SLIT3: variants seen among roughly 807,000 people sequenced by gnomAD.
SLIT3 encodes slit guidance ligand 3, also known as slit homolog 3 protein.
A neutral mutation model predicts 184.0 loss-of-function variants in SLIT3; 68 were observed. That is an observed-to-expected ratio of 0.37 (90% CI 0.30 to 0.45). The LOEUF (loss-of-function observed/expected upper bound fraction) is 0.45. SLIT3 is among the 20% of genes least tolerant of loss of function. The pLI is 1.00. For missense variants in SLIT3, 1,707 were observed against 2,026.0 expected (o/e 0.84, Z 3.02); for synonymous variants, 831 against 828.6 (o/e 1.00, Z -0.05).
At chr5:168,667,123 A>G (rs1228419634) in intron 35 of SLIT3, among the ~76,000 whole-genome samples, 1 of 152,160 alleles carries the variant, frequency 6.6e-6, no homozygotes, top group African/African-American at 2.4e-5. Context: ...TTCCTTGAAA[A>G]CAAGGAGGTC....
At position 168,772,646 on chromosome 5, in the gene SLIT3, T is replaced by C; in HGVS notation, c.1459+135A>G. The C allele has an allele frequency of 4.6e-6, 4 of 873,498 alleles. No individual in the cohort carries two copies. In the Admixed American group the frequency reaches 9.7e-5, roughly 21 times the overall value. 54.1% of individuals were successfully genotyped at this position (873,498 alleles called of 1,614,324 possible). A position where few individuals can be genotyped will look rare whatever the true frequency, so the allele number is the denominator to read the frequency against. On this transcript the variant is annotated intron_variant, in intron 14 of 35. Coordinates refer to ENST00000519560, the MANE Select transcript of SLIT3 (RefSeq NM_003062.4). ...GGTTTTCTGCAGGGCTAACTGAATT[T>C]CCCCAATTTAATTTGCAAAGATGCT... is the stretch of plus-strand genomic sequence containing the variant.
At position 168,748,397 on chromosome 5, in the gene SLIT3, G is replaced by A; in HGVS notation, c.2175C>T (p.Cys725=). 1 of 1,522,200 alleles carries A rather than the reference G, an allele frequency of 6.6e-7. No individual in the cohort carries two copies. Among genetic ancestry groups the A allele is most frequent in the Non-Finnish European group, 8.7e-7 (1 of 1,146,654 alleles). The allele number at this position is 1,522,200 out of a possible 1,614,324, so 94.3% of individuals were successfully genotyped here. ...TCTCCATACAGGTGCACTGCTCCGG[G>A]CAGCGCGGGCTCAGCTGGCAGCTAC... ...EESSCQLSPR[C]PEQCTCMETV... Residue 725 remains cysteine (C), a synonymous_variant, in exon 20 of 36, where the codon TGC becomes TGT. Transcript: ENST00000519560.
At chr5:168,897,646 GTA>G (rs1491515068) in intron 4 of SLIT3, among the ~76,000 whole-genome samples, 93 of 105,390 alleles carry the variant, frequency 8.8e-4, no homozygotes, top group African/African-American at 1.2e-3. Context: ...ACAGGTGCAC[GTA>G]CACACACACA....
intron 1 of SLIT3, among the ~76,000 whole-genome samples, chr5:169,271,064 C>T (rs774376286): frequency 6.6e-6 from 1 of 152,144 alleles, no homozygotes; most frequent in Non-Finnish European, 1.5e-5. Flanking sequence ...GTGAAAATGG[C>T]ACACCTGGAG....
At chr5:168,914,797 C>A (rs901127715) in intron 4 of SLIT3, among the ~76,000 whole-genome samples, 23 of 152,134 alleles carry the variant, frequency 1.5e-4, no homozygotes, top group Admixed American at 5.2e-4. Flanking sequence ...ACAACCTAAT[C>A]CTGTGTCTGG....
At chr5:168,983,630 T>C (rs1386256662) in intron 4 of SLIT3, among the ~76,000 whole-genome samples, 1 of 152,144 alleles carries the variant, frequency 6.6e-6, no homozygotes, top group Non-Finnish European at 1.5e-5. Flanking sequence ...ATGTGCAAAA[T>C]GGGGGAGCCT....
chr5:169,148,908 C>T (rs1762023801), intron 4 of SLIT3, among the ~76,000 whole-genome samples: 1 of 152,066 alleles, frequency 6.6e-6, no homozygotes, highest in African/African-American at 2.4e-5. Context: ...ACAATACCTG[C>T]CATTTATTGG....
intron 4 of SLIT3, among the ~76,000 whole-genome samples, chr5:169,039,294 G>A (rs1757365554): frequency 6.7e-6 from 1 of 150,336 alleles, no homozygotes; most frequent in Admixed American, 6.6e-5. Flanking sequence ...ACAGTGCTCC[G>A]TAAGAGTTAA....
chr5:169,194,061 C>A (rs577131318), intron 3 of SLIT3, among the ~76,000 whole-genome samples: 6 of 151,694 alleles, frequency 4.0e-5, no homozygotes, highest in Admixed American at 2.0e-4. Flanking sequence ...GGTGAAACCC[C>A]GTTTCTAATA....
At chr5:169,270,399 G>A (rs1435835980) in intron 1 of SLIT3, among the ~76,000 whole-genome samples, 1 of 151,952 alleles carries the variant, frequency 6.6e-6, no homozygotes, top group East Asian at 1.9e-4. Context: ...AGCCAAGAAT[G>A]GTTTTTATAT....
At chr5:169,268,112 T>C (rs1030243090) in intron 1 of SLIT3, among the ~76,000 whole-genome samples, 2 of 152,218 alleles carry the variant, frequency 1.3e-5, no homozygotes, top group Non-Finnish European at 2.9e-5. Flanking sequence ...TTCTTCCCCA[T>C]AAACATGTCC....
chr5:168,898,561 T>C (rs1413245685), intron 4 of SLIT3, among the ~76,000 whole-genome samples: 2 of 152,216 alleles, frequency 1.3e-5, no homozygotes, highest in Non-Finnish European at 2.9e-5. Context: ...ATATGTTTTA[T>C]AGTTATAATA....
chr5:169,132,182 A>G (rs1761325010), intron 4 of SLIT3, among the ~76,000 whole-genome samples: 1 of 152,164 alleles, frequency 6.6e-6, no homozygotes. Flanking sequence ...GTAAAGAAAA[A>G]GGAAGGGGGA....
At chr5:168,961,199 G>A (rs957726579) in intron 4 of SLIT3, among the ~76,000 whole-genome samples, 1 of 152,174 alleles carries the variant, frequency 6.6e-6, no homozygotes, top group Admixed American at 6.5e-5. Context: ...TGGTAGAGAG[G>A]AAACCCCTAG....
intron 31 of SLIT3, among the ~76,000 whole-genome samples, chr5:168,685,092 G>C (rs1046744617): frequency 6.6e-6 from 1 of 152,138 alleles, no homozygotes; most frequent in African/African-American, 2.4e-5. Flanking sequence ...TGGGATTACA[G>C]GCATGCACCA....
chr5:168,761,921 AT>A (rs10654069), intron 15 of SLIT3, among the ~76,000 whole-genome samples: 14,120 of 110,432 alleles, frequency 0.13, 866 homozygotes, highest in South Asian at 0.18. Context: ...AAAAAAAAAA[AT>A]TTTTTTTTTT....
chr5:168,779,338 C>T (rs568056252), intron 12 of SLIT3, among the ~76,000 whole-genome samples: 4 of 152,290 alleles, frequency 2.6e-5, no homozygotes, highest in African/African-American at 9.6e-5. Flanking sequence ...TGTTTGTAGC[C>T]ACTCCATCAA....
At chr5:168,989,543 T>A (rs1755246037) in intron 4 of SLIT3, among the ~76,000 whole-genome samples, 1 of 152,222 alleles carries the variant, frequency 6.6e-6, no homozygotes, top group Non-Finnish European at 1.5e-5. Context: ...CATCTCTGCA[T>A]CTAATGTAAT....
chr5:168,972,738 C>T (rs1262270062), intron 4 of SLIT3, among the ~76,000 whole-genome samples: 1 of 152,154 alleles, frequency 6.6e-6, no homozygotes. Flanking sequence ...TAGACTCATA[C>T]CTGTCTTTGC....
Sources: gnomAD v4.1 joint callset for allele counts (sites outside exome capture counted in the v4.1 genomes callset) on GRCh38, gnomAD v4.1.1 for gene constraint, MANE v1.5 for transcripts, NCBI Gene and HGNC (gene_info 2026-07-23, HGNC 2026-07-21) for gene names.